Variants in LRFN5 observed in about 807,000 individuals in gnomAD.
The protein encoded by LRFN5 is leucine-rich repeat and fibronectin type-III domain-containing protein 5.
LRFN5 carries 24 observed loss-of-function variants against 45.6 expected under a neutral mutation model. The ratio of observed to expected loss-of-function variants is 0.53; its 90% CI spans 0.38 to 0.74. The LOEUF (loss-of-function observed/expected upper bound fraction) is 0.74, where lower values mean the gene tolerates loss of function less well. Ranked by LOEUF, LRFN5 falls within the 30% of genes least tolerant of loss-of-function variation. The pLI, the probability that LRFN5 is intolerant of heterozygous loss-of-function variation, is 0.00. For missense variants in LRFN5, 776 were observed against 861.5 expected (o/e 0.90, Z 1.24); for synonymous variants, 340 against 313.8 (o/e 1.08, Z -0.88).
At chr14:41,841,837 C>T (rs1888870613) in intron 2 of LRFN5, among the ~76,000 whole-genome samples, 1 of 151,470 alleles carries the variant, frequency 6.6e-6, no homozygotes, top group African/African-American at 2.4e-5. Context: ...TATGCATGGA[C>T]ATTATAAAAA....
chr14:41,640,563 TAG>T (rs1198358242), intron 1 of LRFN5, among the ~76,000 whole-genome samples: 1 of 152,196 alleles, frequency 6.6e-6, no homozygotes, highest in Non-Finnish European at 1.5e-5. Context: ...ACTGTGGAGA[TAG>T]AGTCATGTGG....
At chr14:41,662,191 T>C (rs995334502) in intron 1 of LRFN5, among the ~76,000 whole-genome samples, 3 of 152,034 alleles carry the variant, frequency 2.0e-5, no homozygotes, top group Admixed American at 6.6e-5. Context: ...GAGTATCAAA[T>C]ATTGTAGAAA....
Position 41,677,304 on chromosome 14 carries a change from C to T in LRFN5, c.-197+68742C>T, listed in dbSNP as rs1457421948. Among the ~76,000 whole-genome samples, 4 of 152,024 alleles carry T rather than the reference C, an allele frequency of 2.6e-5. No individual in the cohort carries two copies. In the East Asian group the frequency reaches 7.7e-4, roughly 29 times the overall value. On this transcript the variant is annotated intron_variant, in intron 1 of 5. Transcript: ENST00000298119. The stretch of plus-strand genomic sequence containing the variant: ...AACGAGAGTCACTACAATCTATTAG[C>T]AAAATATCAAGTTTTAAAGAAAGAC...
chr14:41,710,793 C>T (rs1199091929), intron 1 of LRFN5, among the ~76,000 whole-genome samples: 2 of 151,928 alleles, frequency 1.3e-5, no homozygotes, highest in South Asian at 2.1e-4. Context: ...CGACAGGCCC[C>T]GGTGTGTGAT....
At chr14:41,817,609 G>A (rs534686525) in intron 2 of LRFN5, among the ~76,000 whole-genome samples, 58 of 152,220 alleles carry the variant, frequency 3.8e-4, no homozygotes, top group Non-Finnish European at 6.3e-4. Context: ...AAACTTAGAG[G>A]TTAGGATTTG....
At chr14:41,653,870 A>G (rs887596755) in intron 1 of LRFN5, among the ~76,000 whole-genome samples, 4 of 152,076 alleles carry the variant, frequency 2.6e-5, no homozygotes, top group Non-Finnish European at 5.9e-5. Context: ...GACAGGAGTA[A>G]CAGGTTAATC....
intron 2 of LRFN5, among the ~76,000 whole-genome samples, chr14:41,880,134 A>G (rs1299472872): frequency 2.6e-5 from 4 of 151,636 alleles, no homozygotes; most frequent in East Asian, 3.9e-4. Flanking sequence ...TCACCGTATT[A>G]GCCAGGATGG....
At chr14:41,859,721 A>C (rs1889596229) in intron 2 of LRFN5, among the ~76,000 whole-genome samples, 1 of 152,232 alleles carries the variant, frequency 6.6e-6, no homozygotes, top group African/African-American at 2.4e-5. Context: ...ACATTCTGGC[A>C]CAGATTAAGA....
chr14:41,638,231 A>G (rs1261160340), intron 1 of LRFN5, among the ~76,000 whole-genome samples: 2 of 152,014 alleles, frequency 1.3e-5, no homozygotes, highest in Non-Finnish European at 2.9e-5. Flanking sequence ...GAAAATGTCA[A>G]TATATTTTCA....
At chr14:41,758,768 C>T (rs1353113455) in intron 1 of LRFN5, among the ~76,000 whole-genome samples, 1 of 152,180 alleles carries the variant, frequency 6.6e-6, no homozygotes, top group African/African-American at 2.4e-5. Flanking sequence ...TTGTCCCATA[C>T]AGCCTTCATA....
At chr14:41,865,246 A>G (rs1436751902) in intron 2 of LRFN5, among the ~76,000 whole-genome samples, 1 of 151,802 alleles carries the variant, frequency 6.6e-6, no homozygotes, top group Non-Finnish European at 1.5e-5. Flanking sequence ...CCCATCCCCA[A>G]CTCCATATAA....
chr14:41,756,264 G>A (rs1387780491), intron 1 of LRFN5, among the ~76,000 whole-genome samples: 1 of 152,114 alleles, frequency 6.6e-6, no homozygotes, highest in East Asian at 1.9e-4. Context: ...TCTTCTCGAG[G>A]AGTATCTTTG....
At chr14:41,821,893 T>C (rs962489666) in intron 2 of LRFN5, among the ~76,000 whole-genome samples, 2 of 151,884 alleles carry the variant, frequency 1.3e-5, no homozygotes, top group African/African-American at 2.4e-5. Context: ...TCCTGGGAGG[T>C]TGGATGTTTC....
At chr14:41,654,519 C>T (rs1033422488) in intron 1 of LRFN5, among the ~76,000 whole-genome samples, 12 of 151,942 alleles carry the variant, frequency 7.9e-5, no homozygotes, top group Middle Eastern at 3.4e-3. Context: ...GTTCTAGGAT[C>T]GAGTTGAAGG....
intron 1 of LRFN5, among the ~76,000 whole-genome samples, chr14:41,680,362 G>A (rs1347785204): frequency 6.6e-6 from 1 of 152,176 alleles, no homozygotes; most frequent in East Asian, 1.9e-4. Context: ...CCTAATGGTG[G>A]TGGCCAGAGG....
At chr14:41,777,590 A>G (rs926701021) in intron 2 of LRFN5, among the ~76,000 whole-genome samples, 1 of 151,860 alleles carries the variant, frequency 6.6e-6, no homozygotes, top group Non-Finnish European at 1.5e-5. Flanking sequence ...CTATGAAAAT[A>G]GCACTATTAA....
At chr14:41,867,148 A>G (rs539244212) in intron 2 of LRFN5, among the ~76,000 whole-genome samples, 4 of 152,248 alleles carry the variant, frequency 2.6e-5, no homozygotes, top group Non-Finnish European at 4.4e-5. Context: ...AATATTTTCA[A>G]TGAAGGTGAT....
At chr14:41,609,612 T>A (rs993401127) in intron 1 of LRFN5, among the ~76,000 whole-genome samples, 3 of 152,158 alleles carry the variant, frequency 2.0e-5, no homozygotes, top group African/African-American at 7.2e-5. Context: ...ACATTAGAAT[T>A]AACAAGATAA....
chr14:41,898,825 T>C, intron 4 of LRFN5, 92 bp from the exon 5 acceptor site: 1 of 1,136,038 alleles, frequency 8.8e-7, no homozygotes, highest in Non-Finnish European at 1.3e-6. Context: ...ATTCTTGATA[T>C]GAAGTATTAC....
Sources: gnomAD v4.1 joint callset for allele counts (sites outside exome capture counted in the v4.1 genomes callset) on GRCh38, gnomAD v4.1.1 for gene constraint, MANE v1.5 for transcripts, NCBI Gene and HGNC (gene_info 2026-07-23, HGNC 2026-07-21) for gene names.